ADGRG2: variants seen among roughly 807,000 people sequenced by gnomAD.
ADGRG2 encodes G protein-coupled receptor 64.
A neutral mutation model predicts 74.1 loss-of-function variants in ADGRG2; 26 were observed. That is an observed-to-expected ratio of 0.35 (90% CI 0.26 to 0.49). ADGRG2 has a LOEUF of 0.49. Ranked by LOEUF, ADGRG2 falls within the 20% of genes least tolerant of loss-of-function variation. The pLI, the probability that ADGRG2 is intolerant of heterozygous loss-of-function variation, is 0.99. For synonymous variants in ADGRG2, 296 were observed against 295.2 expected, an observed-to-expected ratio of 1.00 and a Z score of -0.03; for missense variants, 619 against 763.1, an observed-to-expected ratio of 0.81 and a Z score of 2.22.
rs187147763 is a variant in ADGRG2 at position 19,048,199 on chromosome X, C to A, written c.119-7975G>T. 4.5e-5 allele frequency among the ~76,000 whole-genome samples: 5 copies of A among 111,843 alleles called. No individual in the cohort carries two copies. The East Asian group carries it at 8.4e-4, about 19-fold the overall frequency. ...GAACTGTCCCTTCCCCAAGGGTCCA[C>A]GAGATGCATTTTGGAGCGTCCATAA... On this transcript the variant is annotated intron_variant, in intron 3 of 28. Transcript: ENST00000379869.
rs114214725 is a variant in ADGRG2 at position 18,999,816 on chromosome X, G to A, written c.2330+45C>T. 2,051 of 777,709 alleles carry A rather than the reference G, an allele frequency of 2.6e-3. 22 individuals are homozygous for A. The African/African-American group carries it at 0.038, about 14-fold the overall frequency. The allele number at this position is 777,709 out of a possible 1,213,427, so 64.1% of individuals were successfully genotyped here. The stretch of plus-strand genomic sequence containing the variant: ...ATCCTCCGTTTTCTAGGAGCATTCC[G>A]TTTTCCAGTTCACTTAGCATTCCCT... On this transcript the variant is annotated intron_variant, in intron 25 of 28. Coordinates refer to ENST00000379869, the MANE Select transcript of ADGRG2 (RefSeq NM_001079858.3).
intron 3 of ADGRG2, among the ~76,000 whole-genome samples, chrX:19,041,076 A>G (rs1377732484): frequency 9.0e-6 from 1 of 111,477 alleles, no homozygotes; most frequent in Non-Finnish European, 1.9e-5. Flanking sequence ...AAAAATATTT[A>G]TAACTTGATT....
rs758800687 is a variant in ADGRG2 at position 18,992,666 on chromosome X, G to A, written c.2870-1618C>T. On this transcript the variant is annotated intron_variant, in intron 28 of 28. Coordinates refer to ENST00000379869, the MANE Select transcript of ADGRG2 (RefSeq NM_001079858.3). ...GCTGGGGCAAGGACTGAGGAGTCAG[G>A]AATGGTTATCTGACATGCATATTAT... Among the ~76,000 whole-genome samples the A allele has an allele frequency of 2.2e-3, 252 of 112,197 alleles. No homozygotes were observed. In the Middle Eastern group the frequency reaches 0.023, roughly 10 times the overall value.
intron 24 of ADGRG2, among the ~76,000 whole-genome samples, chrX:19,002,201 T>C (rs181430454): frequency 1.8e-5 from 2 of 110,322 alleles, no homozygotes; most frequent in East Asian, 5.8e-4. Context: ...AGTTAGATTA[T>C]CTTTAGTCAA....
At chrX:19,106,380 G>A (rs780652086) in intron 1 of ADGRG2, among the ~76,000 whole-genome samples, 123 of 110,564 alleles carry the variant, frequency 1.1e-3, no homozygotes, top group Non-Finnish European at 1.6e-3. Context: ...ACACCTAGTT[G>A]CTCTGGAATG....
chrX:19,068,463 A>G (rs1454815107), intron 3 of ADGRG2, among the ~76,000 whole-genome samples: 1 of 110,438 alleles, frequency 9.1e-6, no homozygotes, highest in Admixed American at 9.7e-5. Flanking sequence ...GGTGGGGGGG[A>G]AGGAAATTGG....
chrX:19,054,360 T>C (rs145697290), intron 3 of ADGRG2, among the ~76,000 whole-genome samples: 1,577 of 111,669 alleles, frequency 0.014, 23 homozygotes, highest in African/African-American at 0.047. Context: ...AATCATGATG[T>C]TATTGGGTTG....
intron 3 of ADGRG2, among the ~76,000 whole-genome samples, chrX:19,040,797 T>C (rs1453561037): frequency 9.0e-6 from 1 of 111,719 alleles, no homozygotes; most frequent in Non-Finnish European, 1.9e-5. Flanking sequence ...AGTAATTCTA[T>C]ATTTCTATCT....
At chrX:19,120,129 A>C (rs926090045) in intron 1 of ADGRG2, among the ~76,000 whole-genome samples, 1 of 111,247 alleles carries the variant, frequency 9.0e-6, no homozygotes, top group Non-Finnish European at 1.9e-5. Flanking sequence ...GGAGTGATAA[A>C]AGCAGAAGGG....
intron 3 of ADGRG2, among the ~76,000 whole-genome samples, chrX:19,053,260 AC>A (rs1249086800): frequency 9.0e-6 from 1 of 111,420 alleles, no homozygotes; most frequent in African/African-American, 3.3e-5. Context: ...ATTGGGCAAG[AC>A]ACGATGAGGA....
chrX:19,023,830 C>T, intron 12 of ADGRG2, 79 bp downstream of exon 12: 1 of 678,924 alleles, frequency 1.5e-6, no homozygotes, highest in Non-Finnish European at 2.4e-6. Flanking sequence ...ATACATATCT[C>T]CCAGGAATGC....
intron 1 of ADGRG2, among the ~76,000 whole-genome samples, chrX:19,102,097 G>A (rs890716594): frequency 9.3e-6 from 1 of 107,579 alleles, no homozygotes; most frequent in African/African-American, 3.4e-5. Flanking sequence ...ATTGCCGGGT[G>A]TGGTGGCTCA....
intron 19 of ADGRG2, 63 bp from the exon 20 acceptor site, chrX:19,007,420 A>G: frequency 9.6e-7 from 1 of 1,036,579 alleles, no homozygotes. Context: ...TAGAAGGAAC[A>G]CTAAGGAATA....
chrX:18,989,448 G>C lies in ADGRG2; in HGVS notation c.*1416C>G, dbSNP rs1358746449. 8.9e-6 allele frequency: 1 copy of C among 112,296 alleles called. No homozygotes were observed. The highest frequency in any genetic ancestry group is 1.9e-5 in the Non-Finnish European group (1 of 53,299). 9.3% of individuals were successfully genotyped at this position (112,296 alleles called of 1,213,427 possible). On this transcript the variant is annotated 3_prime_UTR_variant, in exon 29 of 29. Transcript: ENST00000379869. Reference sequence around the variant, plus strand: ...CACAGAAATGTGTATTATTACTATGGTTAGTCTGAGATCCAACATTCACTT... The same window carrying C: ...CACAGAAATGTGTATTATTACTATGCTTAGTCTGAGATCCAACATTCACTT...
chrX:19,098,233 C>T (rs2062130101), intron 1 of ADGRG2, among the ~76,000 whole-genome samples: 1 of 111,466 alleles, frequency 9.0e-6, no homozygotes, highest in South Asian at 3.7e-4. Flanking sequence ...TCCTCCTAGG[C>T]CAGCTTCAGA....
chrX:19,098,094 T>C (rs902321992), intron 1 of ADGRG2, among the ~76,000 whole-genome samples: 2 of 112,810 alleles, frequency 1.8e-5, no homozygotes, highest in African/African-American at 3.2e-5. Context: ...GCCAGGCCAA[T>C]GCTTTGCCAC....
chrX:19,091,223 A>T (rs887116926), intron 1 of ADGRG2, among the ~76,000 whole-genome samples: 1 of 111,380 alleles, frequency 9.0e-6, no homozygotes, highest in Non-Finnish European at 1.9e-5. Flanking sequence ...TGGCCAAGGT[A>T]AGGATTTGCA....
At chrX:19,062,786 C>T (rs1245998381) in intron 3 of ADGRG2, among the ~76,000 whole-genome samples, 3 of 110,403 alleles carry the variant, frequency 2.7e-5, no homozygotes, top group Admixed American at 9.7e-5. Flanking sequence ...AGGGACTCAT[C>T]GCTGGAAATG....
At chrX:19,114,265 G>A (rs976714392) in intron 1 of ADGRG2, among the ~76,000 whole-genome samples, 1 of 109,092 alleles carries the variant, frequency 9.2e-6, no homozygotes, top group Non-Finnish European at 1.9e-5. Flanking sequence ...GGGTTATGAG[G>A]AGGCTCCTGT....
Sources: allele counts gnomAD v4.1 joint callset (sites outside exome capture counted in the v4.1 genomes callset), GRCh38; gene constraint gnomAD v4.1.1; transcripts MANE v1.5; gene names NCBI Gene and HGNC (gene_info 2026-07-23, HGNC 2026-07-21).